The following SDR42E2 variants were observed in gnomAD, a reference collection of about 807,000 sequenced individuals.
SDR42E2 encodes the protein short chain dehydrogenase/reductase family 42E, member 2.
A neutral mutation model predicts 10.5 loss-of-function variants in SDR42E2; 20 were observed. The observed-to-expected ratio is 1.90, with a 90% confidence interval of 1.34 to 2.77. The LOEUF (loss-of-function observed/expected upper bound fraction) is 2.77, where lower values mean the gene tolerates loss of function less well. SDR42E2 is among the 30% of genes most tolerant of loss of function. The probability of loss-of-function intolerance (pLI) is 0.00; values close to 1 mark genes in which losing one functional copy is unlikely to be tolerated. For missense variants in SDR42E2, 162 were observed against 104.2 expected (o/e 1.55, Z -2.42); for synonymous variants, 72 against 39.2 (o/e 1.84, Z -3.12).
In SDR42E2 at chr16:22,170,902, C is replaced by A; in HGVS notation, c.464C>A (p.Pro155His). The A allele has an allele frequency of 8.5e-6, 6 of 702,986 alleles. No homozygotes were observed. The highest frequency in any genetic ancestry group is 1.6e-5 in the Non-Finnish European group (6 of 385,000). The allele number at this position is 702,986 out of a possible 1,614,324, so 43.5% of individuals were successfully genotyped here. A position where few individuals can be genotyped will look rare whatever the true frequency, so the allele number is the denominator to read the frequency against. Residue 155 changes from proline (P) to histidine (H), a missense_variant, in exon 6 of 13, where the codon CCC (proline) becomes CAC (histidine). Physicochemically the swap from Pro to His is moderately conservative, Grantham distance 77. Coordinates refer to ENST00000602312, the MANE Select transcript of SDR42E2 (RefSeq NM_001394319.2). ...GTCAATGTTGCATTTGGAGGGAAGC[C>A]CATAGAGCAGGGCGATGAGGACTCT... ...STVNVAFGGKPIEQGDEDSVP... is the reference protein window; with the variant it reads ...STVNVAFGGKHIEQGDEDSVP...
At chr16:22,174,607 G>A (rs1336302343) in intron 7 of SDR42E2, among the ~76,000 whole-genome samples, 1 of 143,934 alleles carries the variant, frequency 6.9e-6, no homozygotes, top group Admixed American at 7.1e-5. Context: ...CCTGATTCCA[G>A]TAGAAATATC....
intron 8 of SDR42E2, among the ~76,000 whole-genome samples, chr16:22,179,703 C>T (rs1323697339): frequency 2.0e-5 from 3 of 151,324 alleles, no homozygotes; most frequent in Non-Finnish European, 4.4e-5. Context: ...ATCCCAGATA[C>T]GCAGGAGGCT....
At chr16:22,183,984 T>A (rs1297402766) in intron 10 of SDR42E2, among the ~76,000 whole-genome samples, 197 bp from the exon 11 acceptor site, 2 of 151,826 alleles carry the variant, frequency 1.3e-5, no homozygotes, top group Non-Finnish European at 2.9e-5. Context: ...AATTCCTCCT[T>A]GGGTTTTCTG....
At chr16:22,170,755 C>T in intron 5 of SDR42E2, 78 bp from the exon 6 acceptor site, 1 of 696,720 alleles carries the variant, frequency 1.4e-6, no homozygotes, top group African/African-American at 1.7e-5. Context: ...ACTCTATGCT[C>T]ACTTGTGTCC....
rs1567237172 is a variant in SDR42E2, at chr16:22,167,165, A to ATTTTTGTTTTTTTT, written c.336+171_336+172insGTTTTTTTTTTTTT. On this transcript the variant is annotated intron_variant, in intron 4 of 12. Transcript: ENST00000602312. Reference sequence around the variant, plus strand: ...CATGACACCAAATACCAGTTCTGCCATTTTTTTTTTTTTTTTTTTTTTTTT... The same window carrying ATTTTTGTTTTTTTT: ...CATGACACCAAATACCAGTTCTGCCATTTTTGTTTTTTTTTTTTTTTTTTTTTTTTTTTTTTTTT... Among the ~76,000 whole-genome samples the ATTTTTGTTTTTTTT allele has an allele frequency of 5.3e-5, 2 of 37,722 alleles. 1 individual carries two copies. Among genetic ancestry groups the ATTTTTGTTTTTTTT allele is most frequent in the African/African-American group, 3.1e-4 (2 of 6,552 alleles). 24.7% of individuals were successfully genotyped at this position (37,722 alleles called of 152,430 possible).
chr16:22,187,718 T>C (rs185101576), intron 12 of SDR42E2, among the ~76,000 whole-genome samples: 2 of 152,266 alleles, frequency 1.3e-5, no homozygotes, highest in Admixed American at 1.3e-4. Context: ...TGCAGGTTTA[T>C]ATTTGCTTAG....
chr16:22,179,380 G>A (rs71376720), intron 8 of SDR42E2, among the ~76,000 whole-genome samples: 6,191 of 152,162 alleles, frequency 0.041, 203 homozygotes, highest in South Asian at 0.092. Context: ...TTCATTCAAC[G>A]AATACTTACG....
intron 4 of SDR42E2, among the ~76,000 whole-genome samples, chr16:22,168,147 C>A (rs2046560839): frequency 6.6e-6 from 1 of 152,092 alleles, no homozygotes. Context: ...GTAATCCCAG[C>A]ACTTTGGGAG....
chr16:22,172,754 C>T (rs1181590368), intron 7 of SDR42E2, among the ~76,000 whole-genome samples: 2 of 152,186 alleles, frequency 1.3e-5, no homozygotes, highest in East Asian at 3.8e-4. Flanking sequence ...TCAGCAACTT[C>T]CCAGTAGAGT....
chr16:22,176,787 A>C (rs958280969), intron 7 of SDR42E2, among the ~76,000 whole-genome samples: 1 of 152,208 alleles, frequency 6.6e-6, no homozygotes, highest in African/African-American at 2.4e-5. Flanking sequence ...CTGTAACCCC[A>C]GACCGCCCCA....
intron 9 of SDR42E2, 143 bp downstream of exon 9, chr16:22,181,799 G>T (rs1009319826): frequency 1.6e-6 from 1 of 607,018 alleles, no homozygotes; most frequent in Middle Eastern, 4.3e-4. Context: ...GGGGAGCTTG[G>T]GGGAAGCAGG....
intron 7 of SDR42E2, 113 bp from the exon 8 acceptor site, chr16:22,178,017 T>C: frequency 1.7e-6 from 1 of 596,298 alleles, no homozygotes. Context: ...CCTGGGCCGG[T>C]CTTCCCCTCT....
Position 22,190,285 on chromosome 16 carries a change from G to C in SDR42E2, c.1161G>C (p.Arg387=), listed in dbSNP as rs2046763457. The change falls in exon 13 of 13, where the codon CGG becomes CGC. Residue 387 remains arginine, a synonymous_variant. Coordinates refer to ENST00000602312, the MANE Select transcript of SDR42E2 (RefSeq NM_001394319.2). ...TTRRPRGSTA[R]TLLRLLLRLL... The stretch of plus-strand genomic sequence containing the variant: ...GGCGGCCCCGCGGCTCCACGGCGCG[G>C]ACCCTCCTGCGCCTGCTGCTCAGGC... 2 of 401,630 alleles carry C rather than the reference G, an allele frequency of 5.0e-6. No individual in the cohort carries two copies. Among genetic ancestry groups the C allele is most frequent in the Non-Finnish European group, 8.8e-6 (2 of 226,574 alleles). 24.9% of individuals were successfully genotyped at this position (401,630 alleles called of 1,614,324 possible). A position where few individuals can be genotyped will look rare whatever the true frequency, so the allele number is the denominator to read the frequency against.
intron 4 of SDR42E2, among the ~76,000 whole-genome samples, chr16:22,168,248 G>T (rs2142061246): frequency 4.0e-5 from 6 of 151,544 alleles, no homozygotes; most frequent in African/African-American, 1.5e-4. Context: ...AATAATAAAA[G>T]TAAATTTTAT....
At chr16:22,182,688 CAGA>C (rs2046705632) in intron 10 of SDR42E2, among the ~76,000 whole-genome samples, 2 of 152,270 alleles carry the variant, frequency 1.3e-5, no homozygotes, top group South Asian at 2.1e-4. Flanking sequence ...TCCAAAAAGC[CAGA>C]AGATTTCACG....
chr16:22,180,305 TG>T (rs1369192161), intron 8 of SDR42E2, among the ~76,000 whole-genome samples: 1 of 151,990 alleles, frequency 6.6e-6, no homozygotes. Context: ...GAGGCTGAGA[TG>T]GGAAGATCCC....
intron 12 of SDR42E2, 139 bp from the exon 13 acceptor site, chr16:22,190,000 G>C (rs563308908): frequency 2.5e-6 from 1 of 399,360 alleles, no homozygotes; most frequent in Non-Finnish European, 4.4e-6. Flanking sequence ...GGAGCAAGAC[G>C]CTGCACTCGG....
At chr16:22,174,590 C>T (rs2046628936) in intron 7 of SDR42E2, among the ~76,000 whole-genome samples, 1 of 151,762 alleles carries the variant, frequency 6.6e-6, no homozygotes, top group African/African-American at 2.4e-5. Context: ...CCAGTTAGGC[C>T]TGGACCCCTG....
chr16:22,174,427 G>A (rs1311099848), intron 7 of SDR42E2, among the ~76,000 whole-genome samples: 2 of 152,060 alleles, frequency 1.3e-5, no homozygotes, highest in Non-Finnish European at 2.9e-5. Context: ...TGGTAGAGGT[G>A]GGATTTGAAC....
Sources: gnomAD v4.1 joint callset for allele counts (sites outside exome capture counted in the v4.1 genomes callset) on GRCh38, gnomAD v4.1.1 for gene constraint, MANE v1.5 for transcripts, NCBI Gene and HGNC (gene_info 2026-07-23, HGNC 2026-07-21) for gene names.